Variants in DNAH7 observed in about 807,000 individuals in gnomAD.
DNAH7 encodes the protein dynein axonemal heavy chain 7.
Under a neutral mutation model 444.6 loss-of-function variants are expected in DNAH7, and 397 were observed. The ratio of observed to expected loss-of-function variants is 0.89; its 90% CI spans 0.82 to 0.97. The LOEUF is 0.97. Among genes scored for constraint, DNAH7 ranks in the 50% least tolerant of loss-of-function variants. DNAH7 has a pLI of 0.00. For missense variants in DNAH7, 4,902 were observed against 4,800.8 expected, an observed-to-expected ratio of 1.02 and a Z score of -0.62; for synonymous variants, 1,636 against 1,624.4, an observed-to-expected ratio of 1.01 and a Z score of -0.17.
At chr2:196,056,041 T>C (rs929089016) in intron 2 of DNAH7, among the ~76,000 whole-genome samples, 2 of 152,216 alleles carry the variant, frequency 1.3e-5, no homozygotes, top group Non-Finnish European at 2.9e-5. Context: ...CAGCCACACA[T>C]ATGTCAGAAA....
At chr2:196,037,887 A>T (rs1696493310) in intron 5 of DNAH7, among the ~76,000 whole-genome samples, 1 of 152,182 alleles carries the variant, frequency 6.6e-6, no homozygotes, top group Admixed American at 6.5e-5. Context: ...TACAAAACTC[A>T]GAAAGATCCC....
rs765694031 is a variant in DNAH7, at chr2:195,934,683, G to A, written c.3379C>T (p.Leu1127Phe). The change falls in exon 21 of 65, where the codon CTC becomes TTC. Residue 1127 changes from leucine to phenylalanine, a missense_variant. By Grantham distance (22) the Leu-to-Phe change is conservative. Coordinates refer to ENST00000312428, the MANE Select transcript of DNAH7 (RefSeq NM_018897.3). ...TTGGCTGTTGAAATAATCTCTATGA[G>A]TTCTACAACCTCTCCTTCGCTGCTC... ...MKSSEGEVVE[L>F]IEIISTAKAR... 1.2e-6 allele frequency: 2 copies of A among 1,614,082 alleles called. No individual in the cohort carries two copies. Among genetic ancestry groups the A allele is most frequent in the Non-Finnish European group, 1.7e-6 (2 of 1,179,982 alleles).
In DNAH7 at chr2:195,987,091, T is replaced by C. The variant is rs759234443; in HGVS notation, c.1729A>G (p.Arg577Gly). 1.4e-5 allele frequency: 23 copies of C among 1,604,170 alleles called. No individual in the cohort carries two copies. Among genetic ancestry groups the C allele is most frequent in the South Asian group, 5.7e-5 (5 of 88,250 alleles). The change falls in exon 14 of 65, where the codon AGA (arginine) becomes GGA (glycine). Residue 577 changes from arginine to glycine, a missense_variant. Arg to Gly is a moderately radical substitution (Grantham distance 125). Coordinates refer to ENST00000312428, the MANE Select transcript of DNAH7 (RefSeq NM_018897.3). ...ICGKLLAKMFRDHQEVNTRLC... is the reference protein window; with the variant it reads ...ICGKLLAKMFGDHQEVNTRLC... Reference sequence around the variant, plus strand: ...CTTGTATTTACTTCCTGATGATCTCTGAACATTTTAGCTAGAAGTTTCCCA... The same window carrying C: ...CTTGTATTTACTTCCTGATGATCTCCGAACATTTTAGCTAGAAGTTTCCCA...
chr2:195,919,654 A>G (rs111273787), intron 24 of DNAH7, among the ~76,000 whole-genome samples: 181 of 152,306 alleles, frequency 1.2e-3, no homozygotes, highest in African/African-American at 4.3e-3. Context: ...CAAAAAGTCT[A>G]CTTTTTTAAA....
At chr2:196,048,142 T>G (rs116181411) in intron 4 of DNAH7, among the ~76,000 whole-genome samples, 154 bp downstream of exon 4, 1 of 152,208 alleles carries the variant, frequency 6.6e-6, no homozygotes, top group Non-Finnish European at 1.5e-5. Context: ...TACAATCAAT[T>G]ATTTTCTGAG....
chr2:195,999,223 C>T (rs1693892729), intron 12 of DNAH7: 1 of 717,162 alleles, frequency 1.4e-6, no homozygotes, highest in Non-Finnish European at 2.6e-6. Flanking sequence ...GTAAAAATGT[C>T]CTGGTTTTGC....
intron 54 of DNAH7, among the ~76,000 whole-genome samples, chr2:195,802,636 T>G (rs1696523284): frequency 6.6e-6 from 1 of 151,532 alleles, no homozygotes; most frequent in African/African-American, 2.4e-5. Context: ...GCCACTGCAT[T>G]CCAGCCTGGG....
Position 195,957,289 on chromosome 2 carries a change from C to T in DNAH7, c.3050G>A (p.Trp1017Ter). ...CATGACACTTCTCATTATATCTCTCCATGTCTTATCCACAGCTGTAAATCG... is the reference window on the plus strand; with the variant it reads ...CATGACACTTCTCATTATATCTCTCTATGTCTTATCCACAGCTGTAAATCG... ...GRRFTAVDKT[W>*]RDIMRSVMQD... Residue 1017 changes from tryptophan (W) to a stop codon, truncating the protein, a stop_gained, in exon 19 of 65, where the codon TGG becomes TAG. Coordinates refer to ENST00000312428, the MANE Select transcript of DNAH7 (RefSeq NM_018897.3). LOFTEE classifies it high-confidence loss of function. 1 of 1,590,820 alleles carries T rather than the reference C, an allele frequency of 6.3e-7. No homozygotes were observed. The highest frequency in any genetic ancestry group is 8.6e-7 in the Non-Finnish European group (1 of 1,163,686).
At chr2:195,966,417 G>A (rs921353850) in intron 17 of DNAH7, among the ~76,000 whole-genome samples, 9 of 152,050 alleles carry the variant, frequency 5.9e-5, no homozygotes, top group Admixed American at 1.3e-4. Flanking sequence ...AAGAATTCGC[G>A]TTCTGCAGCT....
chr2:195,929,863 T>C (rs1688574529), intron 21 of DNAH7, among the ~76,000 whole-genome samples: 2 of 152,072 alleles, frequency 1.3e-5, no homozygotes, highest in Admixed American at 6.6e-5. Context: ...AAAACAAAAA[T>C]TGACAAGTGG....
chr2:196,060,646 TC>T (rs1698084552), intron 1 of DNAH7, among the ~76,000 whole-genome samples: 1 of 152,206 alleles, frequency 6.6e-6, no homozygotes, highest in Admixed American at 6.5e-5. Context: ...TCAGCCTTAA[TC>T]CTATATTCCC....
At chr2:195,830,314 C>G (rs1378905117) in intron 48 of DNAH7, among the ~76,000 whole-genome samples, 1 of 152,162 alleles carries the variant, frequency 6.6e-6, no homozygotes, top group African/African-American at 2.4e-5. Flanking sequence ...AACAGTTATC[C>G]TTAGCAACAG....
rs1342571652 is a variant in DNAH7, at chr2:195,945,027, CTCCTAGTG to C, written c.3079-8243_3079-8236del. ...TGATTTTTACACTGCATACCAGATA[CTCCTAGTG>C]TCCTATTTTCAAGCAATAACTAGAT... On this transcript the variant is annotated intron_variant, in intron 19 of 64. Coordinates refer to ENST00000312428, the MANE Select transcript of DNAH7 (RefSeq NM_018897.3). 2.0e-5 allele frequency among the ~76,000 whole-genome samples: 3 copies of C among 151,828 alleles called. No individual in the cohort carries two copies. In the Admixed American group the frequency reaches 2.0e-4, roughly 10 times the overall value.
At chr2:196,016,972 G>C (rs975253401) in intron 9 of DNAH7, among the ~76,000 whole-genome samples, 1 of 152,058 alleles carries the variant, frequency 6.6e-6, no homozygotes, top group Non-Finnish European at 1.5e-5. Flanking sequence ...AATATATGTA[G>C]GATATGAGCG....
At chr2:195,749,021 A>G (rs1351485253) in intron 63 of DNAH7, among the ~76,000 whole-genome samples, 14 of 152,122 alleles carry the variant, frequency 9.2e-5, no homozygotes, top group Admixed American at 2.0e-4. Context: ...TGCACAGCAA[A>G]AGAAACTACC....
At chr2:195,959,061 A>AAATT (rs539118244) in intron 18 of DNAH7, among the ~76,000 whole-genome samples, 2,685 of 151,854 alleles carry the variant, frequency 0.018, 67 homozygotes, top group African/African-American at 0.061. Flanking sequence ...ACTCCATCTC[A>AAATT]AATTAATTAA....
At chr2:195,829,850 C>A (rs1447510536) in intron 48 of DNAH7, among the ~76,000 whole-genome samples, 1 of 151,738 alleles carries the variant, frequency 6.6e-6, no homozygotes, top group East Asian at 1.9e-4. Context: ...AAGTCTTAAT[C>A]CTGTTAGGAA....
Position 195,816,753 on chromosome 2 carries a change from G to C in DNAH7, c.9636C>G (p.Ile3212Met). 5.6e-6 allele frequency: 9 copies of C among 1,614,148 alleles called. No homozygotes were observed. The highest frequency in any genetic ancestry group is 7.6e-6 in the Non-Finnish European group (9 of 1,180,010). The change falls in exon 51 of 65, where the codon ATC becomes ATG. Residue 3212 changes from isoleucine (I) to methionine (M), a missense_variant. By Grantham distance (10) the Ile-to-Met change is conservative. Transcript: ENST00000312428. The part of the protein sequence containing the change: ...GYRPIAIHSS[I>M]LFFSLADLAN... The stretch of plus-strand genomic sequence containing the variant: ...CTAAATCAGCAAGAGAAAAAAATAG[G>C]ATGGAAGAATGGATGGCAATAGGAC...
chr2:195,994,667 A>C, intron 12 of DNAH7: 1 of 513,508 alleles, frequency 1.9e-6, no homozygotes, highest in Non-Finnish European at 3.9e-6. Flanking sequence ...AAAGTGCTTC[A>C]AGTCTTGTTT....
Sources: gnomAD v4.1 joint callset for allele counts (sites outside exome capture counted in the v4.1 genomes callset) on GRCh38, gnomAD v4.1.1 for gene constraint, MANE v1.5 for transcripts, NCBI Gene and HGNC (gene_info 2026-07-23, HGNC 2026-07-21) for gene names.